Variants in CYP2J2 observed in about 807,000 individuals in gnomAD.
The protein encoded by CYP2J2 is cytochrome P450 2J2.
A neutral mutation model predicts 48.8 loss-of-function variants in CYP2J2; 41 were observed. The ratio of observed to expected loss-of-function variants is 0.84; its 90% CI spans 0.66 to 1.09. The LOEUF (loss-of-function observed/expected upper bound fraction) is 1.09, where lower values mean the gene tolerates loss of function less well. CYP2J2 is among the 50% of genes least tolerant of loss of function. The pLI, the probability that CYP2J2 is intolerant of heterozygous loss-of-function variation, is 0.00. For missense variants in CYP2J2, 644 were observed against 617.3 expected (o/e 1.04, Z -0.46); for synonymous variants, 221 against 227.1 (o/e 0.97, Z 0.24).
the CYP2J2 span, among the ~76,000 whole-genome samples, chr1:59,966,639 T>C: frequency 6.6e-6 from 1 of 152,002 alleles, no homozygotes; most frequent in African/African-American, 2.4e-5. Flanking sequence ...ACTAAGTAGG[T>C]TTTATGAGAA....
chr1:59,895,416 A>G (rs1644260218), intron 8 of CYP2J2, among the ~76,000 whole-genome samples: 1 of 152,214 alleles, frequency 6.6e-6, no homozygotes, highest in Admixed American at 6.5e-5. Context: ...CCAAAGTGAT[A>G]CTGTATTCTT....
At chr1:59,902,883 T>C (rs1256666070) in intron 7 of CYP2J2, among the ~76,000 whole-genome samples, 1 of 151,494 alleles carries the variant, frequency 6.6e-6, no homozygotes, top group Admixed American at 6.6e-5. Context: ...AGTCAGAGAG[T>C]GGGAGGAGGC....
the CYP2J2 span, among the ~76,000 whole-genome samples, chr1:59,955,309 TATATATCC>T: frequency 7.4e-6 from 1 of 134,974 alleles, no homozygotes; most frequent in Admixed American, 7.7e-5. Flanking sequence ...TATATATCCA[TATATATCC>T]ATATATATAT....
At chr1:59,931,649 A>G (rs1644604741), upstream of CYP2J2, among the ~76,000 whole-genome samples, 1 of 152,132 alleles carries the variant, frequency 6.6e-6, no homozygotes, top group Non-Finnish European at 1.5e-5. Context: ...CCATTAATCA[A>G]TCATTACTTG....
the CYP2J2 span, among the ~76,000 whole-genome samples, chr1:59,950,729 G>A: frequency 6.6e-6 from 1 of 152,170 alleles, no homozygotes; most frequent in Non-Finnish European, 1.5e-5. Flanking sequence ...TGTGTGCACT[G>A]CCTGCTGTGG....
At chr1:59,936,640 T>C in the CYP2J2 span, among the ~76,000 whole-genome samples, 1 of 152,222 alleles carries the variant, frequency 6.6e-6, no homozygotes, top group African/African-American at 2.4e-5. Flanking sequence ...TAGGTATTTT[T>C]GTACCTTGCT....
chr1:59,966,992 TCAAA>T, the CYP2J2 span, among the ~76,000 whole-genome samples: 1 of 152,246 alleles, frequency 6.6e-6, no homozygotes, highest in African/African-American at 2.4e-5. Flanking sequence ...AAACTACTCC[TCAAA>T]CAAATCATTT....
At chr1:59,910,922 C>T (rs1354720301) in intron 4 of CYP2J2, among the ~76,000 whole-genome samples, 1 of 152,184 alleles carries the variant, frequency 6.6e-6, no homozygotes, top group African/African-American at 2.4e-5. Context: ...AACGGCTACA[C>T]TCTATGGAAT....
chr1:59,941,420 C>T, the CYP2J2 span, among the ~76,000 whole-genome samples: 1 of 152,150 alleles, frequency 6.6e-6, no homozygotes, highest in African/African-American at 2.4e-5. Context: ...AAGTATAATA[C>T]AAATAATTAT....
chr1:59,921,280 G>A (rs879276760), intron 1 of CYP2J2, among the ~76,000 whole-genome samples: 19 of 152,132 alleles, frequency 1.2e-4, no homozygotes, highest in South Asian at 2.1e-4. Flanking sequence ...CTATTGTTAC[G>A]GAATAAAAGA....
At position 59,907,730 on chromosome 1, in the gene CYP2J2, A is replaced by C; in HGVS notation, c.1003+56T>G. ...TCTTCTGGCCCCGACTTCAGGCAGC[A>C]CATCCCAGGAGGCACTATTCTGTCC... On this transcript the variant is annotated intron_variant, in intron 6 of 8. Transcript: ENST00000371204. 3 of 1,590,842 alleles carry C rather than the reference A, an allele frequency of 1.9e-6. No individual in the cohort carries two copies. In the South Asian group the frequency reaches 3.4e-5, roughly 18 times the overall value.
At chr1:59,956,017 G>C in the CYP2J2 span, among the ~76,000 whole-genome samples, 1 of 151,974 alleles carries the variant, frequency 6.6e-6, no homozygotes, top group Non-Finnish European at 1.5e-5. Flanking sequence ...AAGCTATTAC[G>C]CATTTATATA....
upstream of CYP2J2, among the ~76,000 whole-genome samples, chr1:59,927,532 T>C (rs769527284): frequency 2.0e-4 from 30 of 152,176 alleles, no homozygotes; most frequent in Non-Finnish European, 3.1e-4. Flanking sequence ...AGGAATAGTA[T>C]AGTACACACT....
At chr1:59,911,831 A>C (rs1644418771) in intron 3 of CYP2J2, 63 bp from the exon 4 acceptor site, 1 of 1,523,782 alleles carries the variant, frequency 6.6e-7, no homozygotes, top group African/African-American at 1.4e-5. Context: ...TCCTACTGAG[A>C]GTCTACTTTA....
chr1:59,897,766 T>A (rs959456990), intron 8 of CYP2J2, among the ~76,000 whole-genome samples: 16 of 152,220 alleles, frequency 1.1e-4, no homozygotes, highest in Non-Finnish European at 2.4e-4. Flanking sequence ...AATATAAATT[T>A]GCAATAAAAA....
the CYP2J2 span, among the ~76,000 whole-genome samples, chr1:59,945,521 GCTTT>G: frequency 7.2e-5 from 11 of 151,890 alleles, no homozygotes; most frequent in Admixed American, 6.6e-4. Flanking sequence ...GCTCTATTGA[GCTTT>G]CTGTCTACTT....
chr1:59,959,403 T>C, the CYP2J2 span, among the ~76,000 whole-genome samples: 1 of 152,042 alleles, frequency 6.6e-6, no homozygotes, highest in Non-Finnish European at 1.5e-5. Context: ...GCAATCCCAA[T>C]ACTGGGTAAC....
chr1:59,904,630 A>G, intron 7 of CYP2J2: 1 of 458,472 alleles, frequency 2.2e-6, no homozygotes, highest in South Asian at 2.7e-5. Flanking sequence ...GAGAGGCCCC[A>G]CAGGAAAGAA....
the CYP2J2 span, among the ~76,000 whole-genome samples, chr1:59,943,593 G>A: frequency 2.6e-5 from 4 of 152,210 alleles, no homozygotes; most frequent in South Asian, 2.1e-4. Context: ...TAGCAAGTTC[G>A]ATGAGTATAT....
Sources: gnomAD v4.1 joint callset for allele counts (sites outside exome capture counted in the v4.1 genomes callset) on GRCh38, gnomAD v4.1.1 for gene constraint, MANE v1.5 for transcripts, NCBI Gene and HGNC (gene_info 2026-07-23, HGNC 2026-07-21) for gene names.